CCNL2: variants seen among roughly 807,000 people sequenced by gnomAD.
The protein encoded by CCNL2 is cyclin-L2.
Under a neutral mutation model 59.1 loss-of-function variants are expected in CCNL2, and 28 were observed. That is an observed-to-expected ratio of 0.47 (90% CI 0.35 to 0.65). The LOEUF (loss-of-function observed/expected upper bound fraction) is 0.65. Ranked by LOEUF, CCNL2 falls within the 30% of genes least tolerant of loss-of-function variation. The pLI, the probability that CCNL2 is intolerant of heterozygous loss-of-function variation, is 0.00. For missense variants in CCNL2, 714 were observed against 717.4 expected, an observed-to-expected ratio of 1.00 and a Z score of 0.05; for synonymous variants, 342 against 288.6, an observed-to-expected ratio of 1.19 and a Z score of -1.88.
At chr1:1,391,187 C>T (rs1407047995) in intron 5 of CCNL2, 7 of 1,142,532 alleles carry the variant, frequency 6.1e-6, no homozygotes, top group African/African-American at 3.2e-5. Context: ...GGCCTGCTCT[C>T]ATGCAAAGCA....
In CCNL2 at chr1:1,388,565, G is replaced by GTGTC. The variant is rs574214305; in HGVS notation, c.1007-501_1007-500insGACA. On this transcript the variant is annotated intron_variant, in intron 8 of 10. Transcript: ENST00000400809. ...AAAACCCCAAAACATGTGAGTGTGT[G>GTGTC]TCTCTCTCTCTCTCTCTCTATATAT... is the stretch of plus-strand genomic sequence containing the variant. 335 of 382,548 alleles carry GTGTC rather than the reference G, an allele frequency of 8.8e-4. No individual in the cohort carries two copies. The East Asian group carries it at 0.021, about 24-fold the overall frequency. 23.7% of individuals were successfully genotyped at this position (382,548 alleles called of 1,614,324 possible).
chr1:1,398,642 G>A lies in CCNL2; in HGVS notation c.318C>T (p.Phe106=), dbSNP rs758105469. Residue 106 remains phenylalanine, a synonymous_variant, in exon 2 of 11, where the codon TTC becomes TTT. Transcript: ENST00000400809. The stretch of plus-strand genomic sequence containing the variant: ...AGGACTTGGTATAAAAGAACCGCTG[G>A]AACAACACCTGCCCGGTAGCCATGG... ...QVAMATGQVL[F]QRFFYTKSFV... 2 of 1,613,872 alleles carry A rather than the reference G, an allele frequency of 1.2e-6. No homozygotes were observed. The highest frequency in any genetic ancestry group is 1.3e-5 in the African/African-American group (1 of 74,922).
chr1:1,398,861 G>A (rs1283568066), intron 1 of CCNL2, 158 bp downstream of exon 1: 11 of 1,385,130 alleles, frequency 7.9e-6, no homozygotes, highest in Non-Finnish European at 9.6e-6. Flanking sequence ...CCCGGGTCAG[G>A]GGCATGGGCT....
intron 5 of CCNL2, chr1:1,391,264 C>G (rs578189604): frequency 9.0e-7 from 1 of 1,106,222 alleles, no homozygotes; most frequent in East Asian, 7.4e-5. Context: ...AATCTAAATG[C>G]TCAAAATCCA....
At chr1:1,392,419 T>TA (rs1380528940) in intron 5 of CCNL2, 2 of 1,133,846 alleles carry the variant, frequency 1.8e-6, no homozygotes, top group Non-Finnish European at 2.2e-6. Flanking sequence ...TCAGGGCTTC[T>TA]AGAAATCATG....
rs1470959505 is a variant in CCNL2, at chr1:1,386,299, C to G, written c.*932G>C. 6.6e-6 allele frequency: 1 copy of G among 152,266 alleles called. No individual in the cohort carries two copies. The highest frequency in any genetic ancestry group is 1.5e-5 in the Non-Finnish European group (1 of 68,048). The allele number at this position is 152,266 out of a possible 1,614,324, so 9.4% of individuals were successfully genotyped here. A position where few individuals can be genotyped will look rare whatever the true frequency, so the allele number is the denominator to read the frequency against. On this transcript the variant is annotated 3_prime_UTR_variant, in exon 11 of 11. Coordinates refer to ENST00000400809, the MANE Select transcript of CCNL2 (RefSeq NM_030937.6). ...GGCCCTGCAGGAAGGAGCCTGTCAT[C>G]CTGATGGGCAGAGGACTCAGGCCCC...
rs3831366 is a variant in CCNL2 at position 1,398,672 on chromosome 1, CTAGAG to C, written c.289-6_289-2del. ...ACACCTGCCCGGTAGCCATGGCCAC[CTAGAG>C]TAGAAGAAAGTTTCCGTATTTTCAA... On this transcript the variant is annotated splice_acceptor_variant and splice_polypyrimidine_tract_variant and intron_variant, in intron 1 of 10. Transcript: ENST00000400809. LOFTEE classifies it high-confidence loss of function. The C allele has an allele frequency of 0.049, 79,324 of 1,613,414 alleles. 2,392 individuals carry two copies. The highest frequency in any genetic ancestry group is 0.1 in the East Asian group (4,501 of 44,882).
At chr1:1,397,124 C>T (rs2100351794) in intron 3 of CCNL2, among the ~76,000 whole-genome samples, 1 of 152,274 alleles carries the variant, frequency 6.6e-6, no homozygotes. Context: ...TTAGGTGATC[C>T]ACCTGCCTAG....
Position 1,387,468 on chromosome 1 carries a change from C to T in CCNL2, c.1326G>A (p.Glu442=), listed in dbSNP as rs769674256. Residue 442 remains glutamate (E), a synonymous_variant, in exon 11 of 11, where the codon GAG becomes GAA. Coordinates refer to ENST00000400809, the MANE Select transcript of CCNL2 (RefSeq NM_030937.6). ...APRSAPYKGS[E]IRGSRKSKDC... ...CCTTGGACTTCCGGGAGCCCCGAATCTCAGAGCCTTTGTAGGGAGCGCTGC... is the reference window on the plus strand; with the variant it reads ...CCTTGGACTTCCGGGAGCCCCGAATTTCAGAGCCTTTGTAGGGAGCGCTGC... The T allele has an allele frequency of 1.2e-6, 2 of 1,612,784 alleles. No individual in the cohort carries two copies. Among genetic ancestry groups the T allele is most frequent in the Non-Finnish European group, 1.7e-6 (2 of 1,179,718 alleles).
intron 8 of CCNL2, chr1:1,388,366 C>CA: frequency 2.5e-6 from 1 of 403,508 alleles, no homozygotes; most frequent in Admixed American, 3.6e-5. Flanking sequence ...ACTAAAACTA[C>CA]AAAAATTAGC....
At position 1,390,328 on chromosome 1, in the gene CCNL2, T is replaced by C. The variant is rs965805508; in HGVS notation, c.908A>G (p.His303Arg). Reference sequence around the variant, plus strand: ...TTGGGCCTTTGCCTCTTCGATAGCGTGCTTTCTTTTTTCCACTTCACCCTC... The same window carrying C: ...TTGGGCCTTTGCCTCTTCGATAGCGCGCTTTCTTTTTTCCACTTCACCCTC... ...HLEGEVEKRK[H>R]AIEEAKAQAR... is the part of the protein sequence containing the mutation. The change falls in exon 8 of 11, where the codon CAC (histidine) becomes CGC (arginine). Residue 303 changes from histidine to arginine, a missense_variant. By Grantham distance (29) the His-to-Arg change is conservative. Around this residue, in one of 5 missense-constraint regions of CCNL2, gnomAD observed 403 missense variants for 377.7 expected, o/e 1.07. Transcript: ENST00000400809. 1 of 1,614,014 alleles carries C rather than the reference T, an allele frequency of 6.2e-7. No homozygotes were observed. Among genetic ancestry groups the C allele is most frequent in the Non-Finnish European group, 8.5e-7 (1 of 1,179,904 alleles).
Position 1,390,480 on chromosome 1 carries a change from C to T in CCNL2, c.843G>A (p.Leu281=). Residue 281 remains leucine, a synonymous_variant, in exon 7 of 11, where the codon TTG becomes TTA. Transcript: ENST00000400809. ...GAACCTTTTTCCGAGCATAAAGCTGCAAGATCTTTAAGCAGATTTCCTGAA... is the reference window on the plus strand; with the variant it reads ...GAACCTTTTTCCGAGCATAAAGCTGTAAGATCTTTAAGCAGATTTCCTGAA... ...EEIQEICLKI[L]QLYARKKVDL... is the part of the protein sequence containing the mutation. The T allele has an allele frequency of 6.2e-7, 1 of 1,613,700 alleles. No homozygotes were observed. Among genetic ancestry groups the T allele is most frequent in the Non-Finnish European group, 8.5e-7 (1 of 1,179,850 alleles).
At chr1:1,392,477 G>T in intron 5 of CCNL2, 1 of 1,247,808 alleles carries the variant, frequency 8.0e-7, no homozygotes, top group Non-Finnish European at 1.0e-6. Flanking sequence ...AATTCTCACA[G>T]CTTTCCATAG....
intron 5 of CCNL2, 60 bp downstream of exon 5, chr1:1,393,336 A>G: frequency 2.0e-6 from 3 of 1,464,236 alleles, no homozygotes; most frequent in Non-Finnish European, 2.9e-6. Flanking sequence ...CAAGTGCCTC[A>G]AGTCAACACA....
chr1:1,387,236 T>C lies in CCNL2; in HGVS notation c.1558A>G (p.Arg520Gly). 1 of 1,600,970 alleles carries C rather than the reference T, an allele frequency of 6.2e-7. No individual in the cohort carries two copies. Among genetic ancestry groups the C allele is most frequent in the East Asian group, 2.2e-5 (1 of 44,774 alleles). Residue 520 changes from arginine (R) to glycine (G), a missense_variant, in exon 11 of 11, where the codon AGG (arginine) becomes GGG (glycine). Arg to Gly is a moderately radical substitution (Grantham distance 125). Transcript: ENST00000400809. ...RDHPGHSRHR[R>G] ...CCAGTCACTGCAACCCCGCCTCACC[T>C]CCGATGCCTGCTGTGCCCAGGGTGG...
chr1:1,394,717 T>G (rs1334953972), intron 4 of CCNL2, among the ~76,000 whole-genome samples: 1 of 125,938 alleles, frequency 7.9e-6, no homozygotes, highest in Middle Eastern at 6.8e-3. Flanking sequence ...ACCACTGCAC[T>G]CCAGCCTGCA....
intron 5 of CCNL2, chr1:1,391,210 A>G: frequency 9.0e-7 from 1 of 1,113,394 alleles, no homozygotes; most frequent in Non-Finnish European, 1.1e-6. Context: ...ATGCCTCAGA[A>G]AGAAAATGTC....
At position 1,388,022 on chromosome 1, in the gene CCNL2, C is replaced by T; in HGVS notation, c.1050G>A (p.Leu350=). 1.2e-6 allele frequency: 2 copies of T among 1,614,096 alleles called. No individual in the cohort carries two copies. The highest frequency in any genetic ancestry group is 1.7e-6 in the Non-Finnish European group (2 of 1,180,050). ...KEGKGSKPSP[L]SVKNTKRRLE... is the part of the protein sequence containing the mutation. ...GCCTCCTCTTGGTGTTCTTCACAGA[C>T]AGTGGGGAAGGCTTGCTCCCTTTAC... Residue 350 remains leucine (L), a synonymous_variant, in exon 9 of 11, where the codon CTG becomes CTA. Transcript: ENST00000400809.
At chr1:1,396,627 C>G (rs1226175187) in intron 3 of CCNL2, among the ~76,000 whole-genome samples, 1 of 131,330 alleles carries the variant, frequency 7.6e-6, no homozygotes, top group Non-Finnish European at 1.5e-5. Flanking sequence ...GTTGCCCAGG[C>G]TGGAGTGCAA....
Sources: gnomAD v4.1 joint callset for allele counts (sites outside exome capture counted in the v4.1 genomes callset) on GRCh38, gnomAD v4.1.1 for gene constraint, gnomAD v4.1.1 regional missense constraint, MANE v1.5 for transcripts, NCBI Gene and HGNC (gene_info 2026-07-23, HGNC 2026-07-21) for gene names.